The following MALRD1 variants were observed in gnomAD, a reference collection of about 807,000 sequenced individuals.
MALRD1 encodes MAM and LDL-receptor class A domain-containing protein 1.
In MALRD1, 247 loss-of-function variants were observed where a neutral mutation model predicts 242.1. That is an observed-to-expected ratio of 1.02 (90% CI 0.92 to 1.13). The LOEUF (loss-of-function observed/expected upper bound fraction) is 1.13, where lower values mean the gene tolerates loss of function less well. Ranked by LOEUF, MALRD1 falls within the 50% of genes most tolerant of loss-of-function variation. The pLI is 0.00. For missense variants in MALRD1, 2,989 were observed against 2,533.1 expected, an observed-to-expected ratio of 1.18 and a Z score of -3.86; for synonymous variants, 995 against 866.6, an observed-to-expected ratio of 1.15 and a Z score of -2.60.
At chr10:19,138,437 T>G (rs572144205) in intron 10 of MALRD1, among the ~76,000 whole-genome samples, 300 of 146,786 alleles carry the variant, frequency 2.0e-3, no homozygotes, top group Non-Finnish European at 3.2e-3. Flanking sequence ...TTTTTTTTTT[T>G]GGGGACAGAG....
Position 19,559,423 on chromosome 10 carries a change from C to T in MALRD1, c.5479-8079C>T, listed in dbSNP as rs79938878. The stretch of plus-strand genomic sequence containing the variant: ...TATGCATTCAATGCTGTAAAATTTT[C>T]CTCTAAGCACTGCTTCACTTCATCC... On this transcript the variant is annotated intron_variant, in intron 32 of 39. Transcript: ENST00000454679. Among the ~76,000 whole-genome samples the T allele has an allele frequency of 2.4e-3, 360 of 152,058 alleles. 9 individuals are homozygous for T. In the East Asian group the frequency reaches 0.04, roughly 17 times the overall value.
intron 31 of MALRD1, among the ~76,000 whole-genome samples, chr10:19,501,395 A>C (rs1433528439): frequency 6.6e-6 from 1 of 152,210 alleles, no homozygotes; most frequent in African/African-American, 2.4e-5. Flanking sequence ...AACCCAGAGA[A>C]ACAGCCTGGA....
chr10:19,489,954 T>C (rs117375459), intron 29 of MALRD1, among the ~76,000 whole-genome samples: 1,779 of 152,314 alleles, frequency 0.012, 15 homozygotes, highest in Middle Eastern at 0.041. Context: ...AATTTGCATA[T>C]GTAGCATACA....
intron 26 of MALRD1, among the ~76,000 whole-genome samples, chr10:19,386,878 C>G (rs1232215808): frequency 1.3e-5 from 2 of 152,070 alleles, no homozygotes; most frequent in Non-Finnish European, 2.9e-5. Context: ...AGAGGTCAAA[C>G]TCAGGTCTTC....
At chr10:19,238,401 ATTATG>A (rs1185242153) in intron 18 of MALRD1, among the ~76,000 whole-genome samples, 1 of 82,528 alleles carries the variant, frequency 1.2e-5, no homozygotes, top group African/African-American at 4.8e-5. Flanking sequence ...TATGTTATAT[ATTATG>A]TATAATATAT....
intron 36 of MALRD1, among the ~76,000 whole-genome samples, chr10:19,686,941 A>G (rs1842606755): frequency 6.6e-6 from 1 of 152,182 alleles, no homozygotes; most frequent in South Asian, 2.1e-4. Context: ...AGAGCCCCAT[A>G]AAAGCTCAAA....
chr10:19,258,737 A>G (rs1177835550), intron 19 of MALRD1, among the ~76,000 whole-genome samples: 1 of 152,138 alleles, frequency 6.6e-6, no homozygotes, highest in Non-Finnish European at 1.5e-5. Flanking sequence ...TGGTTTTCAT[A>G]GAACTCTGGA....
intron 4 of MALRD1, among the ~76,000 whole-genome samples, chr10:19,098,874 G>C (rs899409738): frequency 1.3e-5 from 2 of 152,130 alleles, no homozygotes. Flanking sequence ...TTTTATAGAT[G>C]AGCTTGAGGA....
At chr10:19,341,023 A>G (rs998109430) in intron 24 of MALRD1, among the ~76,000 whole-genome samples, 1 of 152,122 alleles carries the variant, frequency 6.6e-6, no homozygotes, top group Non-Finnish European at 1.5e-5. Flanking sequence ...GGGAGCTAGT[A>G]TTGCACTCTT....
Position 19,490,507 on chromosome 10 carries a change from G to GGC in MALRD1, c.5030-1009_5030-1008insCG, listed in dbSNP as rs984547586. On this transcript the variant is annotated intron_variant, in intron 29 of 39. Coordinates refer to ENST00000454679, the MANE Select transcript of MALRD1 (RefSeq NM_001142308.3). Reference sequence around the variant, plus strand: ...GTAAACAGAAGAAGCCAAGTGGGGCGGGGGGGGGGCAGGGTTATGGGGGTG... The same window carrying GGC: ...GTAAACAGAAGAAGCCAAGTGGGGCGGCGGGGGGGGGCAGGGTTATGGGGGTG... Among the ~76,000 whole-genome samples, 82 of 20,142 alleles carry GGC rather than the reference G, an allele frequency of 4.1e-3. 3 individuals are homozygous for GGC. The highest frequency in any genetic ancestry group is 8.2e-3 in the Non-Finnish European group (55 of 6,702). The allele number at this position is 20,142 out of a possible 152,430, so 13.2% of individuals were successfully genotyped here. A position where few individuals can be genotyped will look rare whatever the true frequency, so the allele number is the denominator to read the frequency against.
intron 14 of MALRD1, among the ~76,000 whole-genome samples, chr10:19,186,481 TGCAG>T (rs1272632099): frequency 6.6e-6 from 1 of 152,248 alleles, no homozygotes; most frequent in East Asian, 1.9e-4. Context: ...CAGTCTTTGC[TGCAG>T]ATAATCATGT....
intron 21 of MALRD1, among the ~76,000 whole-genome samples, chr10:19,304,298 T>C (rs866677702): frequency 1.3e-5 from 2 of 151,580 alleles, no homozygotes; most frequent in South Asian, 2.1e-4. Flanking sequence ...TCCATAATTA[T>C]GTGAGCCGAT....
intron 36 of MALRD1, among the ~76,000 whole-genome samples, chr10:19,643,473 A>G (rs1840496593): frequency 6.6e-6 from 1 of 152,118 alleles, no homozygotes; most frequent in Non-Finnish European, 1.5e-5. Context: ...GCATTCATGA[A>G]TAAGACTGTG....
At chr10:19,108,726 A>G (rs12221192) in intron 5 of MALRD1, among the ~76,000 whole-genome samples, 1,001 of 57,438 alleles carry the variant, frequency 0.017, 13 homozygotes, top group Middle Eastern at 0.028. Context: ...CGTTTTTTCT[A>G]ATTTTATTGA....
chr10:19,149,066 G>A (rs999435395), intron 11 of MALRD1, among the ~76,000 whole-genome samples: 1 of 140,006 alleles, frequency 7.1e-6, no homozygotes, highest in African/African-American at 2.7e-5. Flanking sequence ...TTTTAAATCT[G>A]TCTATCTGTC....
At chr10:19,068,002 C>G (rs965683021) in intron 2 of MALRD1, among the ~76,000 whole-genome samples, 1 of 152,080 alleles carries the variant, frequency 6.6e-6, no homozygotes, top group Non-Finnish European at 1.5e-5. Context: ...ATATAACAAG[C>G]ACTAACTGCA....
At chr10:19,418,923 T>C (rs1174943378) in intron 28 of MALRD1, among the ~76,000 whole-genome samples, 2 of 152,180 alleles carry the variant, frequency 1.3e-5, no homozygotes, top group Admixed American at 6.6e-5. Context: ...GTGCCCTTTA[T>C]CCACATTGCC....
intron 8 of MALRD1, among the ~76,000 whole-genome samples, chr10:19,130,541 T>G (rs967460740): frequency 6.6e-6 from 1 of 152,154 alleles, no homozygotes; most frequent in African/African-American, 2.4e-5. Context: ...TTAGCCTAAA[T>G]TTAAGTGGAA....
intron 31 of MALRD1, among the ~76,000 whole-genome samples, chr10:19,521,460 A>G (rs765837859): frequency 3.3e-5 from 5 of 152,098 alleles, no homozygotes; most frequent in African/African-American, 4.8e-5. Flanking sequence ...CGTTATAAAT[A>G]TATATTAAAT....
Sources: allele counts gnomAD v4.1 joint callset (sites outside exome capture counted in the v4.1 genomes callset), GRCh38; gene constraint gnomAD v4.1.1; transcripts MANE v1.5; gene names NCBI Gene and HGNC (gene_info 2026-07-23, HGNC 2026-07-21).